The following DIAPH2 variants were observed in gnomAD, a reference collection of about 807,000 sequenced individuals.
DIAPH2 encodes the protein diaphanous related formin 2, also known as protein diaphanous homolog 2.
In DIAPH2, 35 loss-of-function variants were observed where a neutral mutation model predicts 92.7. The observed-to-expected ratio is 0.38, with a 90% CI of 0.29 to 0.50. The LOEUF (loss-of-function observed/expected upper bound fraction) is 0.50. DIAPH2 is among the 20% of genes least tolerant of loss of function. DIAPH2 has a pLI of 0.94. For missense variants in DIAPH2, 701 were observed against 819.5 expected, an observed-to-expected ratio of 0.86 and a Z score of 1.77; for synonymous variants, 301 against 280.4, an observed-to-expected ratio of 1.07 and a Z score of -0.73.
At chrX:97,071,408 G>C (rs950179559) in intron 17 of DIAPH2, among the ~76,000 whole-genome samples, 3 of 110,672 alleles carry the variant, frequency 2.7e-5, no homozygotes, top group African/African-American at 9.8e-5. Context: ...TACATTAAAA[G>C]TCACTTTTCT....
In DIAPH2 at chrX:97,107,752, T is replaced by C. The variant is rs762984859; in HGVS notation, c.2350-6974T>C. On this transcript the variant is annotated intron_variant, in intron 20 of 26. Transcript: ENST00000324765. Reference sequence around the variant, plus strand: ...GGCAATGGATCAAAAGAGTAACTATTTGGAAAAAATACCTTGTAGCAAATA... The same window carrying C: ...GGCAATGGATCAAAAGAGTAACTATCTGGAAAAAATACCTTGTAGCAAATA... 8.9e-5 allele frequency among the ~76,000 whole-genome samples: 10 copies of C among 112,140 alleles called. No homozygotes were observed. The Admixed American group carries it at 9.4e-4, about 11-fold the overall frequency.
At chrX:97,013,176 G>A (rs532595188) in intron 17 of DIAPH2, among the ~76,000 whole-genome samples, 6 of 112,139 alleles carry the variant, frequency 5.4e-5, no homozygotes, top group South Asian at 7.6e-4. Context: ...AACTACTGAG[G>A]TATGGCGTGT....
intron 4 of DIAPH2, among the ~76,000 whole-genome samples, chrX:96,804,444 T>C (rs1318122985): frequency 8.9e-6 from 1 of 112,174 alleles, no homozygotes; most frequent in Non-Finnish European, 1.9e-5. Context: ...AAGAAGTGTT[T>C]TATTAAGCAT....
At chrX:97,169,631 A>G (rs1341399118) in intron 22 of DIAPH2, among the ~76,000 whole-genome samples, 3 of 111,818 alleles carry the variant, frequency 2.7e-5, no homozygotes, top group Non-Finnish European at 5.6e-5. Context: ...TTGAGAGCCA[A>G]GGTAGGCAAA....
intron 22 of DIAPH2, among the ~76,000 whole-genome samples, chrX:97,159,088 T>A (rs2067345844): frequency 8.9e-6 from 1 of 112,047 alleles, no homozygotes; most frequent in African/African-American, 3.2e-5. Flanking sequence ...TTTATGTGAG[T>A]TATATCTGAA....
intron 26 of DIAPH2, among the ~76,000 whole-genome samples, chrX:97,573,349 T>A (rs73554346): frequency 0.013 from 1,428 of 111,376 alleles, 15 homozygotes; most frequent in African/African-American, 0.038. Flanking sequence ...ATATATATAT[T>A]TTTTGTGATG....
chrX:96,875,283 C>G (rs6615876), intron 4 of DIAPH2, among the ~76,000 whole-genome samples: 11,900 of 111,071 alleles, frequency 0.11, 574 homozygotes, highest in East Asian at 0.32. Flanking sequence ...TACAAGTGCT[C>G]AAAAAATCAT....
chrX:97,503,354 A>T (rs1198685319), intron 26 of DIAPH2, among the ~76,000 whole-genome samples: 2 of 112,072 alleles, frequency 1.8e-5, no homozygotes, highest in Non-Finnish European at 3.8e-5. Flanking sequence ...GTTTACATGC[A>T]CTTGAACTGC....
intron 1 of DIAPH2, among the ~76,000 whole-genome samples, chrX:96,697,591 A>T (rs934948488): frequency 2.7e-5 from 3 of 111,235 alleles, no homozygotes; most frequent in Middle Eastern, 4.2e-3. Context: ...GGTTGCAGTG[A>T]GCCGAGATCC....
intron 22 of DIAPH2, among the ~76,000 whole-genome samples, chrX:97,237,720 C>T (rs1308933214): frequency 1.8e-5 from 2 of 110,269 alleles, no homozygotes; most frequent in African/African-American, 3.3e-5. Context: ...TAGCTGGTAC[C>T]ACAGGCGCCT....
At chrX:96,803,969 G>A (rs924935642) in intron 4 of DIAPH2, among the ~76,000 whole-genome samples, 6 of 111,718 alleles carry the variant, frequency 5.4e-5, no homozygotes, top group Admixed American at 3.8e-4. Context: ...AACCCTGCAG[G>A]CGGAGGTTGC....
chrX:96,977,425 T>A (rs1302455299), intron 17 of DIAPH2, among the ~76,000 whole-genome samples: 2 of 111,835 alleles, frequency 1.8e-5, no homozygotes, highest in South Asian at 3.8e-4. Context: ...TATATTAATA[T>A]AGTTGAGATG....
intron 4 of DIAPH2, among the ~76,000 whole-genome samples, chrX:96,783,790 T>C (rs1400532600): frequency 8.9e-6 from 1 of 112,303 alleles, no homozygotes; most frequent in African/African-American, 3.2e-5. Flanking sequence ...TCTGACTGTA[T>C]AGAAAAATCT....
At chrX:96,884,982 G>A (rs2065249672) in intron 5 of DIAPH2, 2 of 1,210,085 alleles carry the variant, frequency 1.7e-6, no homozygotes, top group Non-Finnish European at 2.2e-6. Flanking sequence ...ATGAGCTCCG[G>A]GCTCAGCTCT....
chrX:97,119,780 T>C (rs2067042309), intron 21 of DIAPH2, among the ~76,000 whole-genome samples: 1 of 111,130 alleles, frequency 9.0e-6, no homozygotes, highest in African/African-American at 3.3e-5. Flanking sequence ...CTACCGTGGA[T>C]TATGGTTGCC....
rs761639306 is a variant in DIAPH2, at chrX:97,505,878, A to T, written c.3241+76133A>T. ...TGTCAGTGTCCTCCCTATTTATCAG[A>T]TTCTAAGAGGATTGTTGGGTTGATG... On this transcript the variant is annotated intron_variant, in intron 26 of 26. Transcript: ENST00000324765. Among the ~76,000 whole-genome samples, 9 of 111,124 alleles carry T rather than the reference A, an allele frequency of 8.1e-5. No individual in the cohort carries two copies. The South Asian group carries it at 3.4e-3, about 42-fold the overall frequency.
chrX:96,990,655 G>A (rs186354493), intron 17 of DIAPH2, among the ~76,000 whole-genome samples: 56 of 111,694 alleles, frequency 5.0e-4, no homozygotes, highest in African/African-American at 1.7e-3. Context: ...CCTGTATACA[G>A]TATATAGTGA....
intron 23 of DIAPH2, among the ~76,000 whole-genome samples, chrX:97,297,076 CT>C (rs57145821): frequency 0.013 from 270 of 20,688 alleles, 5 homozygotes; most frequent in African/African-American, 0.048. Flanking sequence ...CAGGCCTGGC[CT>C]TTTTTTTTTT....
At chrX:96,943,428 A>G (rs2065718786) in intron 13 of DIAPH2, among the ~76,000 whole-genome samples, 1 of 111,306 alleles carries the variant, frequency 9.0e-6, no homozygotes, top group Non-Finnish European at 1.9e-5. Flanking sequence ...AGCTTGTGCC[A>G]ATTTACCCAG....
Sources: allele counts gnomAD v4.1 joint callset (sites outside exome capture counted in the v4.1 genomes callset), GRCh38; gene constraint gnomAD v4.1.1; transcripts MANE v1.5; gene names NCBI Gene and HGNC (gene_info 2026-07-23, HGNC 2026-07-21).